Variants in GRID2 observed in about 807,000 individuals in gnomAD.
GRID2 encodes glutamate receptor ionotropic, delta-2.
Under a neutral mutation model 114.8 loss-of-function variants are expected in GRID2, and 33 were observed. The observed-to-expected ratio is 0.29, with a 90% CI of 0.22 to 0.38. The LOEUF (loss-of-function observed/expected upper bound fraction) is 0.38. GRID2 is among the 10% of genes least tolerant of loss of function. The probability of loss-of-function intolerance (pLI) is 1.00; values close to 1 mark genes in which losing one functional copy is unlikely to be tolerated. For missense variants in GRID2, 1,184 were observed against 1,257.7 expected, an observed-to-expected ratio of 0.94 and a Z score of 0.89; for synonymous variants, 505 against 449.9, an observed-to-expected ratio of 1.12 and a Z score of -1.55.
At chr4:93,043,671 A>G (rs1199302146) in intron 2 of GRID2, among the ~76,000 whole-genome samples, 2 of 152,076 alleles carry the variant, frequency 1.3e-5, no homozygotes, top group African/African-American at 4.8e-5. Flanking sequence ...TCAAACATGT[A>G]ATTGGAATCT....
chr4:93,098,673 A>G (rs562091280), intron 3 of GRID2, among the ~76,000 whole-genome samples: 4 of 152,056 alleles, frequency 2.6e-5, no homozygotes, highest in Non-Finnish European at 4.4e-5. Context: ...TGTGCTCTTC[A>G]TCAAATGAGC....
At chr4:92,552,866 C>T (rs1256485628) in intron 1 of GRID2, among the ~76,000 whole-genome samples, 3 of 152,100 alleles carry the variant, frequency 2.0e-5, no homozygotes, top group Non-Finnish European at 4.4e-5. Flanking sequence ...CTGAACTGAC[C>T]CATCTCAGGC....
intron 2 of GRID2, among the ~76,000 whole-genome samples, chr4:92,903,827 A>C (rs1016746831): frequency 6.6e-6 from 1 of 151,980 alleles, no homozygotes; most frequent in African/African-American, 2.4e-5. Context: ...TCTGATTTAC[A>C]TACCGCACTT....
rs377420636 is a variant in GRID2 at position 93,273,469 on chromosome 4, CCA to C, written c.1245+34980_1245+34981del. 2.5e-3 allele frequency among the ~76,000 whole-genome samples: 181 copies of C among 71,210 alleles called. 3 individuals are homozygous for C. The highest frequency in any genetic ancestry group is 0.013 in the African/African-American group (177 of 13,586). 46.7% of individuals were successfully genotyped at this position (71,210 alleles called of 152,430 possible). ...GGTAGTCAGAATAATATCCCCCCCCCCAAAAAATATCCATGCCCCAATCCTCC... is the reference window on the plus strand; with the variant it reads ...GGTAGTCAGAATAATATCCCCCCCCCAAAAATATCCATGCCCCAATCCTCC... On this transcript the variant is annotated intron_variant, in intron 8 of 15. Coordinates refer to ENST00000282020, the MANE Select transcript of GRID2 (RefSeq NM_001510.4).
rs1749529935 is a variant in GRID2 at position 93,255,925 on chromosome 4, TTTATAG to T, written c.1245+17440_1245+17445del. Among the ~76,000 whole-genome samples, 3 of 152,154 alleles carry T rather than the reference TTTATAG, an allele frequency of 2.0e-5. No homozygotes were observed. The South Asian group carries it at 6.2e-4, about 32-fold the overall frequency. The stretch of plus-strand genomic sequence containing the variant: ...CAGACAATCTCTATATAATTACAGT[TTTATAG>T]TTATGTTATAGTTTATTGAAGTCCA... On this transcript the variant is annotated intron_variant, in intron 8 of 15. Coordinates refer to ENST00000282020, the MANE Select transcript of GRID2 (RefSeq NM_001510.4).
At chr4:92,360,825 T>A (rs1250987211) in intron 1 of GRID2, among the ~76,000 whole-genome samples, 1 of 151,956 alleles carries the variant, frequency 6.6e-6, no homozygotes, top group Non-Finnish European at 1.5e-5. Context: ...TGATTCAAAG[T>A]GATCTCCACA....
At chr4:93,629,914 C>T (rs1743089474) in intron 14 of GRID2, among the ~76,000 whole-genome samples, 1 of 152,148 alleles carries the variant, frequency 6.6e-6, no homozygotes. Context: ...TTCATTATAG[C>T]ATTGCTTATT....
chr4:92,533,229 C>G (rs1217961736), intron 1 of GRID2, among the ~76,000 whole-genome samples: 3 of 146,920 alleles, frequency 2.0e-5, no homozygotes, highest in Non-Finnish European at 4.5e-5. Context: ...TTTCACAAAA[C>G]TTGGATTTAA....
chr4:92,785,420 A>T (rs1228573466), intron 2 of GRID2, among the ~76,000 whole-genome samples: 1 of 151,328 alleles, frequency 6.6e-6, no homozygotes, highest in Non-Finnish European at 1.5e-5. Context: ...TCTTTCATTA[A>T]AACTGCAACT....
chr4:92,420,177 A>G (rs550183153), intron 1 of GRID2, among the ~76,000 whole-genome samples: 1 of 152,242 alleles, frequency 6.6e-6, no homozygotes, highest in South Asian at 2.1e-4. Flanking sequence ...CACTCTTGTC[A>G]ATTCTTTGCT....
chr4:93,147,597 G>A (rs1736383252), intron 4 of GRID2, among the ~76,000 whole-genome samples: 3 of 152,166 alleles, frequency 2.0e-5, no homozygotes, highest in Non-Finnish European at 1.5e-5. Flanking sequence ...CATTAAGGCT[G>A]CTTGCTTCAT....
chr4:93,631,571 T>C, intron 14 of GRID2, among the ~76,000 whole-genome samples: 1 of 152,090 alleles, frequency 6.6e-6, no homozygotes, highest in East Asian at 1.9e-4. Context: ...CTGCATAGTA[T>C]TCCATGGTGT....
chr4:92,817,847 C>A (rs1741010402), intron 2 of GRID2, among the ~76,000 whole-genome samples: 1 of 151,894 alleles, frequency 6.6e-6, no homozygotes, highest in African/African-American at 2.4e-5. Flanking sequence ...AATTTTTTTA[C>A]ACATATTATT....
Position 93,285,600 on chromosome 4 carries a change from T to C in GRID2, c.1245+47110T>C, listed in dbSNP as rs574530042. On this transcript the variant is annotated intron_variant, in intron 8 of 15. Coordinates refer to ENST00000282020, the MANE Select transcript of GRID2 (RefSeq NM_001510.4). Reference sequence around the variant, plus strand: ...ATTATACACTTTTTTCTATGTGTACTATTTTTATAGAATATTTTATGTAAG... The same window carrying C: ...ATTATACACTTTTTTCTATGTGTACCATTTTTATAGAATATTTTATGTAAG... 2.0e-5 allele frequency among the ~76,000 whole-genome samples: 3 copies of C among 152,176 alleles called. No individual in the cohort carries two copies. The South Asian group carries it at 6.2e-4, about 32-fold the overall frequency.
At position 93,694,709 on chromosome 4, in the gene GRID2, C is replaced by T. The variant is rs147141926; in HGVS notation, c.2360+68274C>T. ...CCATTTTCTTACAGGGCATCAACGTCGACCACCCGTTTAACTGTCTTCAGA... is the reference window on the plus strand; with the variant it reads ...CCATTTTCTTACAGGGCATCAACGTTGACCACCCGTTTAACTGTCTTCAGA... On this transcript the variant is annotated intron_variant, in intron 14 of 15. Transcript: ENST00000282020. Among the ~76,000 whole-genome samples the T allele has an allele frequency of 1.7e-3, 254 of 152,176 alleles. 2 individuals are homozygous for T. The highest frequency in any genetic ancestry group is 3.0e-3 in the Non-Finnish European group (201 of 68,010).
At chr4:93,580,426 G>A (rs564102894) in intron 13 of GRID2, among the ~76,000 whole-genome samples, 3 of 152,224 alleles carry the variant, frequency 2.0e-5, no homozygotes, top group South Asian at 2.1e-4. Context: ...TGAATATTTC[G>A]AGAAAGAACT....
chr4:93,334,787 C>T (rs536158753), intron 8 of GRID2, among the ~76,000 whole-genome samples: 3 of 152,110 alleles, frequency 2.0e-5, no homozygotes, highest in East Asian at 1.9e-4. Context: ...AAAAATTAGC[C>T]GGGCGTGGTG....
chr4:92,487,400 C>T (rs1048245978), intron 1 of GRID2, among the ~76,000 whole-genome samples: 12 of 151,782 alleles, frequency 7.9e-5, no homozygotes, highest in African/African-American at 2.9e-4. Context: ...TTATTATACT[C>T]GTGCTGAAAA....
At chr4:92,800,585 C>G (rs957746194) in intron 2 of GRID2, among the ~76,000 whole-genome samples, 1 of 151,940 alleles carries the variant, frequency 6.6e-6, no homozygotes, top group Non-Finnish European at 1.5e-5. Context: ...TACATTACTG[C>G]TGTTTACAGC....
Sources: allele counts gnomAD v4.1 joint callset (sites outside exome capture counted in the v4.1 genomes callset), GRCh38; gene constraint gnomAD v4.1.1; transcripts MANE v1.5; gene names NCBI Gene and HGNC (gene_info 2026-07-23, HGNC 2026-07-21).